KDM2B: variants seen among roughly 807,000 people sequenced by gnomAD.
KDM2B encodes the protein lysine-specific demethylase 2B.
In KDM2B, 26 loss-of-function variants were observed where a neutral mutation model predicts 150.0. That is an observed-to-expected ratio of 0.17 (90% CI 0.13 to 0.24). KDM2B has a LOEUF of 0.24. Among genes scored for constraint, KDM2B ranks in the 10% least tolerant of loss-of-function variants. KDM2B has a pLI of 1.00. For missense variants in KDM2B, 1,265 were observed against 1,816.9 expected (o/e 0.70, Z 5.52); for synonymous variants, 734 against 729.5 (o/e 1.01, Z -0.10).
intron 11 of KDM2B, among the ~76,000 whole-genome samples, chr12:121,500,620 G>A (rs1330555403): frequency 1.3e-5 from 2 of 152,228 alleles, no homozygotes; most frequent in East Asian, 1.9e-4. Context: ...TCCACAGGCC[G>A]GCAAAGGGAG....
intron 12 of KDM2B, chr12:121,494,376 T>C (rs1883682645): frequency 3.8e-6 from 2 of 525,098 alleles, no homozygotes; most frequent in Non-Finnish European, 3.4e-6. Context: ...CAGGCGGCAC[T>C]GTTCGCAGTT....
intron 13 of KDM2B, among the ~76,000 whole-genome samples, chr12:121,445,922 A>C (rs560600135): frequency 1.1e-4 from 17 of 152,338 alleles, no homozygotes; most frequent in Admixed American, 7.2e-4. Flanking sequence ...GCGGGCTCCC[A>C]AGACCTTTAC....
At chr12:121,421,371 TA>T in the KDM2B span, among the ~76,000 whole-genome samples, 3,048 of 46,278 alleles carry the variant, frequency 0.066, 81 homozygotes, top group East Asian at 0.21. Flanking sequence ...ATCCCATCTC[TA>T]AAAAAAAAAA....
downstream of KDM2B, among the ~76,000 whole-genome samples, chr12:121,428,622 C>CATCT (rs1555284611): frequency 1.3e-5 from 2 of 152,200 alleles, no homozygotes; most frequent in Non-Finnish European, 2.9e-5. Context: ...TTACTTTCTC[C>CATCT]ATCTTCAGAT....
intron 22 of KDM2B, among the ~76,000 whole-genome samples, chr12:121,436,520 CAA>C (rs34346956): frequency 8.2e-4 from 94 of 114,390 alleles, no homozygotes; most frequent in Middle Eastern, 4.8e-3. Flanking sequence ...GACTCCATCT[CAA>C]AAAAAAAAAA....
intron 6 of KDM2B, among the ~76,000 whole-genome samples, chr12:121,546,207 C>G (rs1181617159): frequency 6.6e-6 from 1 of 152,068 alleles, no homozygotes; most frequent in Non-Finnish European, 1.5e-5. Context: ...CAATCAAGGG[C>G]TCAAGACATA....
rs1356320926 is a variant in KDM2B at position 121,520,250 on chromosome 12, C to G, written c.1047+735G>C. Among the ~76,000 whole-genome samples, 1 of 152,136 alleles carries G rather than the reference C, an allele frequency of 6.6e-6. No individual in the cohort carries two copies. Among genetic ancestry groups the G allele is most frequent in the Non-Finnish European group, 1.5e-5 (1 of 68,030 alleles). The stretch of plus-strand genomic sequence containing the variant: ...TCTTATGTGCCTAGGGACACGTGAT[C>G]AAGTCCTAGCACGAGAAAGGCCATG... On this transcript the variant is annotated intron_variant, in intron 9 of 22. Coordinates refer to ENST00000377071, the MANE Select transcript of KDM2B (RefSeq NM_032590.5). The surrounding 1 kb of genome is among the most constrained non-coding windows in gnomAD (Gnocchi z 4.5).
At chr12:121,504,671 G>A (rs545437521) in intron 11 of KDM2B, among the ~76,000 whole-genome samples, 2 of 152,162 alleles carry the variant, frequency 1.3e-5, no homozygotes, top group Non-Finnish European at 2.9e-5. Flanking sequence ...TGATAAAAAG[G>A]TTCTGGAATA....
At position 121,532,593 on chromosome 12, in the gene KDM2B, G is replaced by A. The variant is rs1306336621; in HGVS notation, c.931+213C>T. On this transcript the variant is annotated intron_variant, in intron 8 of 22. Transcript: ENST00000377071. Reference sequence around the variant, plus strand: ...GAGAGGGCCCAAGGCCTTCTCCAAGGGAGAGAGAATTCCAGCCCGTAGGTG... The same window carrying A: ...GAGAGGGCCCAAGGCCTTCTCCAAGAGAGAGAGAATTCCAGCCCGTAGGTG... Among the ~76,000 whole-genome samples, 4 of 152,322 alleles carry A rather than the reference G, an allele frequency of 2.6e-5. No homozygotes were observed. The East Asian group carries it at 7.7e-4, about 29-fold the overall frequency.
At chr12:121,505,344 A>G (rs1371624460) in intron 11 of KDM2B, among the ~76,000 whole-genome samples, 5 of 151,844 alleles carry the variant, frequency 3.3e-5, no homozygotes, top group Non-Finnish European at 7.4e-5. Flanking sequence ...ACACCTTAAC[A>G]TGGTTAAAAT....
chr12:121,463,775 CA>C (rs1219201483), intron 12 of KDM2B, among the ~76,000 whole-genome samples: 1 of 152,168 alleles, frequency 6.6e-6, no homozygotes. Flanking sequence ...GATGGGATTT[CA>C]CCATGTTGCC....
At chr12:121,525,313 C>A (rs1486420082) in intron 8 of KDM2B, among the ~76,000 whole-genome samples, 1 of 152,200 alleles carries the variant, frequency 6.6e-6, no homozygotes. Flanking sequence ...GTCACCCAGG[C>A]TGGAGTGCAG....
In KDM2B at chr12:121,494,672, C is replaced by A; in HGVS notation, c.1648-7G>T. On this transcript the variant is annotated splice_region_variant and splice_polypyrimidine_tract_variant and intron_variant, in intron 11 of 22. Transcript: ENST00000377071. ...CGTGCTCCTTCAGGACGTTCTGTGG[C>A]CAAACAAAGCATCCATATTAGCCCA... 1 of 1,605,662 alleles carries A rather than the reference C, an allele frequency of 6.2e-7. No homozygotes were observed. The highest frequency in any genetic ancestry group is 8.5e-7 in the Non-Finnish European group (1 of 1,175,832).
intron 6 of KDM2B, among the ~76,000 whole-genome samples, chr12:121,535,792 C>T (rs1555308626): frequency 6.6e-6 from 1 of 152,166 alleles, no homozygotes; most frequent in African/African-American, 2.4e-5. Context: ...GGGCTCCCCT[C>T]CTCCCTCAAC....
chr12:121,444,421 G>A, intron 15 of KDM2B, 29 bp downstream of exon 15: 1 of 1,612,932 alleles, frequency 6.2e-7, no homozygotes, highest in Non-Finnish European at 8.5e-7. Flanking sequence ...TCTCCCGACT[G>A]ACCCTGGGAC....
At chr12:121,512,685 CTG>C (rs1415214319) in intron 10 of KDM2B, among the ~76,000 whole-genome samples, 1 of 152,166 alleles carries the variant, frequency 6.6e-6, no homozygotes, top group East Asian at 1.9e-4. Context: ...GGGCGGGCGT[CTG>C]TGAGTCAAGA....
In KDM2B at chr12:121,442,737, G is replaced by C. The variant is rs1172259910; in HGVS notation, c.2704C>G (p.Pro902Ala). 1 of 1,561,106 alleles carries C rather than the reference G, an allele frequency of 6.4e-7. No homozygotes were observed. Among genetic ancestry groups the C allele is most frequent in the Non-Finnish European group, 8.6e-7 (1 of 1,157,920 alleles). ...GAGTGGTCGCTCTCCCTGGTCTTGG[G>C]GGGCGCCTCGGGCAGTTCGTCCTCG... ...EPEDELPEAP[P>A]KTRESDHSRS... Residue 902 changes from proline to alanine, a missense_variant, in exon 19 of 23, where the codon CCC becomes GCC. By Grantham distance (27) the Pro-to-Ala change is conservative. This residue lies in a region of KDM2B where 418 missense variants were observed against 402.4 expected (regional missense o/e 1.04). Coordinates refer to ENST00000377071, the MANE Select transcript of KDM2B (RefSeq NM_032590.5). The surrounding 1 kb of genome is among the most constrained non-coding windows in gnomAD (Gnocchi z 7.7).
chr12:121,462,330 G>C (rs1396236954), intron 12 of KDM2B, among the ~76,000 whole-genome samples: 3 of 152,174 alleles, frequency 2.0e-5, no homozygotes, highest in Non-Finnish European at 4.4e-5. Flanking sequence ...AGGAGCAAGA[G>C]ACTAAAAACA....
At chr12:121,576,143 AG>A (rs1318137796) in intron 2 of KDM2B, among the ~76,000 whole-genome samples, 1 of 152,138 alleles carries the variant, frequency 6.6e-6, no homozygotes, top group Non-Finnish European at 1.5e-5. Flanking sequence ...AAGGCCAGCG[AG>A]GGTTGGGGAG....
Sources: gnomAD v4.1 joint callset for allele counts (sites outside exome capture counted in the v4.1 genomes callset) on GRCh38, gnomAD v4.1.1 for gene constraint, gnomAD v4.1.1 regional missense constraint, Gnocchi (gnomAD v3.1) non-coding constraint, MANE v1.5 for transcripts, NCBI Gene and HGNC (gene_info 2026-07-23, HGNC 2026-07-21) for gene names.